AUTS2: variants seen among roughly 807,000 people sequenced by gnomAD.
The protein encoded by AUTS2 is autism susceptibility gene 2 protein.
A neutral mutation model predicts 112.4 loss-of-function variants in AUTS2; 17 were observed. The observed-to-expected ratio is 0.15, with a 90% confidence interval of 0.10 to 0.23. AUTS2 has a LOEUF of 0.23. Among genes scored for constraint, AUTS2 ranks in the 10% least tolerant of loss-of-function variants. AUTS2 has a pLI of 1.00. For synonymous variants in AUTS2, 751 were observed against 702.7 expected (o/e 1.07, Z -1.09); for missense variants, 1,510 against 1,701.6 (o/e 0.89, Z 1.98).
At chr7:70,333,537 G>A (rs1173464820) in intron 4 of AUTS2, among the ~76,000 whole-genome samples, 3 of 152,154 alleles carry the variant, frequency 2.0e-5, no homozygotes, top group Non-Finnish European at 4.4e-5. Flanking sequence ...GTTCACAATA[G>A]CAAAGACTTG....
intron 5 of AUTS2, among the ~76,000 whole-genome samples, chr7:70,585,560 T>C (rs2129527670): frequency 6.6e-6 from 1 of 152,340 alleles, no homozygotes; most frequent in South Asian, 2.1e-4. Context: ...ATCGCGTATA[T>C]TAACATAGGA....
intron 2 of AUTS2, among the ~76,000 whole-genome samples, chr7:70,075,098 T>G (rs899103871): frequency 2.0e-5 from 3 of 152,196 alleles, no homozygotes. Context: ...GGAATAAACC[T>G]GTATTTTGCT....
chr7:70,377,332 A>ATG (rs1425042590), intron 4 of AUTS2, among the ~76,000 whole-genome samples: 6 of 34,278 alleles, frequency 1.8e-4, no homozygotes, highest in African/African-American at 6.6e-4. Flanking sequence ...ATAAATATAT[A>ATG]TATATATATA....
At chr7:70,128,055 A>G (rs1806072122) in intron 3 of AUTS2, among the ~76,000 whole-genome samples, 1 of 151,946 alleles carries the variant, frequency 6.6e-6, no homozygotes, top group Admixed American at 6.6e-5. Flanking sequence ...AGCTTCCCAC[A>G]TTGTTATAAT....
rs376880185 is a variant in AUTS2, at chr7:70,318,011, A to C, written c.661-117741A>C. ...CTACCTTTAGAAACACCAGCGAAAA[A>C]AACCTGTGGTGTCGGTTGGATCATG... On this transcript the variant is annotated intron_variant, in intron 4 of 18. Transcript: ENST00000342771. 3.9e-5 allele frequency among the ~76,000 whole-genome samples: 6 copies of C among 152,284 alleles called. No individual in the cohort carries two copies. In the South Asian group the frequency reaches 1.2e-3, roughly 32 times the overall value.
intron 1 of AUTS2, among the ~76,000 whole-genome samples, chr7:69,780,813 TGA>T (rs2129313269): frequency 6.6e-6 from 1 of 152,228 alleles, no homozygotes; most frequent in East Asian, 1.9e-4. Context: ...TTGCTATTCC[TGA>T]GTCTTTTTGA....
At chr7:70,106,098 C>T (rs1804751547) in intron 2 of AUTS2, among the ~76,000 whole-genome samples, 2 of 152,160 alleles carry the variant, frequency 1.3e-5, no homozygotes, top group South Asian at 2.1e-4. Context: ...ACTGAATTAT[C>T]TCATTTCCTA....
chr7:69,782,997 G>A (rs1789207367), intron 1 of AUTS2, among the ~76,000 whole-genome samples: 1 of 151,774 alleles, frequency 6.6e-6, no homozygotes, highest in Admixed American at 6.6e-5. Flanking sequence ...CCAAATCCAT[G>A]GTCCACATGC....
chr7:70,304,409 C>G (rs984899064), intron 4 of AUTS2, among the ~76,000 whole-genome samples: 1 of 152,108 alleles, frequency 6.6e-6, no homozygotes, highest in African/African-American at 2.4e-5. Context: ...TCAAAGTATC[C>G]CAGTGGAGCA....
chr7:70,205,467 A>C (rs149861389), intron 4 of AUTS2, among the ~76,000 whole-genome samples: 1 of 152,302 alleles, frequency 6.6e-6, no homozygotes, highest in Non-Finnish European at 1.5e-5. Context: ...GAGATCCAAT[A>C]AATTATAATA....
At chr7:70,091,098 G>A (rs886966795) in intron 2 of AUTS2, among the ~76,000 whole-genome samples, 2 of 152,068 alleles carry the variant, frequency 1.3e-5, no homozygotes, top group African/African-American at 4.8e-5. Context: ...TAGAACTAGC[G>A]GTTGATACTT....
chr7:70,000,892 CTGA>C (rs1799161523), intron 2 of AUTS2, among the ~76,000 whole-genome samples: 1 of 149,850 alleles, frequency 6.7e-6, no homozygotes, highest in African/African-American at 2.5e-5. Flanking sequence ...TTGGTAATGA[CTGA>C]CTGTATGCCC....
At chr7:70,564,477 A>G (rs892898122) in intron 5 of AUTS2, among the ~76,000 whole-genome samples, 1 of 152,254 alleles carries the variant, frequency 6.6e-6, no homozygotes, top group Non-Finnish European at 1.5e-5. Flanking sequence ...TACAGGATAC[A>G]TGATACAGCT....
intron 4 of AUTS2, among the ~76,000 whole-genome samples, chr7:70,412,179 G>A (rs1309572418): frequency 6.6e-6 from 1 of 152,038 alleles, no homozygotes; most frequent in African/African-American, 2.4e-5. Context: ...ACAGGTGTGA[G>A]CCACCATGCC....
At chr7:69,667,349 T>C (rs1334016628) in intron 1 of AUTS2, among the ~76,000 whole-genome samples, 1 of 63,952 alleles carries the variant, frequency 1.6e-5, no homozygotes, top group East Asian at 6.3e-4. Context: ...TGTTTTGTTG[T>C]GTTTTTTTTT....
intron 4 of AUTS2, among the ~76,000 whole-genome samples, chr7:70,217,007 T>A (rs1181073693): frequency 6.6e-6 from 1 of 152,194 alleles, no homozygotes; most frequent in African/African-American, 2.4e-5. Context: ...CCTCCCAGGT[T>A]CAAGCAATTT....
At chr7:70,383,633 C>CA (rs1793473912) in intron 4 of AUTS2, among the ~76,000 whole-genome samples, 1 of 152,158 alleles carries the variant, frequency 6.6e-6, no homozygotes, top group Non-Finnish European at 1.5e-5. Flanking sequence ...CATTCCCAGC[C>CA]AAAAATCCCA....
chr7:69,600,522 A>G (rs1385715020), intron 1 of AUTS2, among the ~76,000 whole-genome samples: 3 of 119,196 alleles, frequency 2.5e-5, no homozygotes, highest in Non-Finnish European at 5.2e-5. Flanking sequence ...GCCTCCCCCC[A>G]TTACCCCCCC....
At chr7:69,746,445 G>A (rs1787499852) in intron 1 of AUTS2, among the ~76,000 whole-genome samples, 1 of 152,076 alleles carries the variant, frequency 6.6e-6, no homozygotes, top group Admixed American at 6.6e-5. Flanking sequence ...AATAATTCAG[G>A]GTGTAGGAAT....
Sources: gnomAD v4.1 joint callset for allele counts (sites outside exome capture counted in the v4.1 genomes callset) on GRCh38, gnomAD v4.1.1 for gene constraint, MANE v1.5 for transcripts, NCBI Gene and HGNC (gene_info 2026-07-23, HGNC 2026-07-21) for gene names.